Variants in C11orf71 observed in about 807,000 individuals in gnomAD.
The protein encoded by C11orf71 is uncharacterized protein C11orf71.
For missense variants in C11orf71, 179 were observed against 167.6 expected (o/e 1.07, Z -0.38); for synonymous variants, 72 against 73.4 (o/e 0.98, Z 0.09).
intron 1 of C11orf71, among the ~76,000 whole-genome samples, chr11:114,392,746 CA>C (rs993807288): frequency 4.5e-5 from 6 of 132,560 alleles, no homozygotes; most frequent in African/African-American, 1.1e-4. Context: ...AAAAAAAAAA[CA>C]AAAAAAAATT....
chr11:114,397,068 T>C (rs1262040838), downstream of C11orf71, among the ~76,000 whole-genome samples: 1 of 152,188 alleles, frequency 6.6e-6, no homozygotes. Flanking sequence ...TTAGTGCTGA[T>C]GAATAGAGGA....
At chr11:114,394,124 C>T (rs530846490), downstream of C11orf71, among the ~76,000 whole-genome samples, 5 of 151,652 alleles carry the variant, frequency 3.3e-5, no homozygotes, top group South Asian at 2.1e-4. Context: ...GGACTACAGG[C>T]GCCCATCACC....
rs780776826 is a variant in C11orf71, at chr11:114,399,781, A to G, written c.*179T>C. 16 of 960,834 alleles carry G rather than the reference A, an allele frequency of 1.7e-5. No individual in the cohort carries two copies. Among genetic ancestry groups the G allele is most frequent in the Non-Finnish European group, 2.4e-5 (16 of 674,882 alleles). 59.5% of individuals were successfully genotyped at this position (960,834 alleles called of 1,614,324 possible). On this transcript the variant is annotated 3_prime_UTR_variant, in exon 1 of 1. Transcript: ENST00000623205. ...CCAATCGTTCTGGCTGCATAAAACC[A>G]CCTAAATCAATCAACTGTTACACTT...
chr11:114,393,934 T>G (rs936419029), downstream of C11orf71, among the ~76,000 whole-genome samples: 8 of 152,172 alleles, frequency 5.3e-5, no homozygotes, highest in Non-Finnish European at 1.0e-4. Flanking sequence ...ATTGTGAGGA[T>G]TAAATAAAAG....
In C11orf71 at chr11:114,400,343, G is replaced by A; in HGVS notation, c.-12C>T. 6.3e-7 allele frequency: 1 copy of A among 1,592,488 alleles called. No homozygotes were observed. The highest frequency in any genetic ancestry group is 8.6e-7 in the Non-Finnish European group (1 of 1,168,928). ...TTGTTCAGGGCCATATTCAAACACT[G>A]CCCGCAGTACTTGCGTTACGTCCCT... is the stretch of plus-strand genomic sequence containing the variant. On this transcript the variant is annotated 5_prime_UTR_variant, in exon 1 of 1. Transcript: ENST00000623205.
intron 1 of C11orf71, among the ~76,000 whole-genome samples, chr11:114,392,943 G>A (rs949480080): frequency 6.6e-6 from 1 of 152,150 alleles, no homozygotes; most frequent in African/African-American, 2.4e-5. Context: ...GCAAACTAAG[G>A]CCTGAAGGCT....
At chr11:114,396,667 A>G (rs1346794468), downstream of C11orf71, among the ~76,000 whole-genome samples, 1 of 152,172 alleles carries the variant, frequency 6.6e-6, no homozygotes, top group Admixed American at 6.5e-5. Context: ...AGGAAAGGAC[A>G]CAGGTGGTAC....
At chr11:114,394,228 C>CCTTTCCTTTCCTTTCT (rs1946101542), downstream of C11orf71, among the ~76,000 whole-genome samples, 9 of 48,704 alleles carry the variant, frequency 1.8e-4, no homozygotes, top group East Asian at 6.3e-4. Flanking sequence ...CTTTTCTTTT[C>CCTTTCCTTTCCTTTCT]TTTCTTTTCT....
chr11:114,400,501 C>G lies in C11orf71; in HGVS notation c.-170G>C. Reference sequence around the variant, plus strand: ...CGCCTTGCCTTTAACGAGGGGTATCCTGGCGAGCATGCGCAGACCGTCCGC... The same window carrying G: ...CGCCTTGCCTTTAACGAGGGGTATCGTGGCGAGCATGCGCAGACCGTCCGC... On this transcript the variant is annotated 5_prime_UTR_variant, in exon 1 of 1. Coordinates refer to ENST00000623205, the MANE Select transcript of C11orf71 (RefSeq NM_001271562.2). The G allele has an allele frequency of 7.8e-7, 1 of 1,280,660 alleles. No homozygotes were observed. The highest frequency in any genetic ancestry group is 1.1e-6 in the Non-Finnish European group (1 of 940,188). 79.3% of individuals were successfully genotyped at this position (1,280,660 alleles called of 1,614,324 possible).
rs769148907 is a variant in C11orf71, at chr11:114,400,090, C to G, written c.242G>C (p.Arg81Pro). Reference protein sequence around the residue: ...GGRSPREPDGRGRSRQARFSP... With the variant: ...GGRSPREPDGPGRSRQARFSP... Reference sequence around the variant, plus strand: ...GAATCTGGCTTGGCGGCTCCGGCCCCGGCCATCTGGTTCCCTTGGGCTCCG... The same window carrying G: ...GAATCTGGCTTGGCGGCTCCGGCCCGGGCCATCTGGTTCCCTTGGGCTCCG... Residue 81 changes from arginine (R) to proline (P), a missense_variant, in exon 1 of 1, where the codon CGG becomes CCG. Arg to Pro is a moderately radical substitution (Grantham distance 103). Transcript: ENST00000623205. 2 of 1,613,884 alleles carry G rather than the reference C, an allele frequency of 1.2e-6. No individual in the cohort carries two copies. Among genetic ancestry groups the G allele is most frequent in the South Asian group, 1.1e-5 (1 of 91,086 alleles).
chr11:114,391,725 A>G, intron 1 of C11orf71: 1 of 664,688 alleles, frequency 1.5e-6, no homozygotes, highest in Non-Finnish European at 2.5e-6. Flanking sequence ...CCAAAAATGC[A>G]TGTCCCAGCA....
exon 2 of C11orf71, chr11:114,391,514 T>C: frequency 9.1e-7 from 1 of 1,101,424 alleles, no homozygotes; most frequent in African/African-American, 1.6e-5. Context: ...TACAATTTCA[T>C]ATCCAATTTT....
intron 1 of C11orf71, among the ~76,000 whole-genome samples, chr11:114,393,080 C>T (rs545549127): frequency 7.3e-4 from 111 of 152,324 alleles, no homozygotes; most frequent in Non-Finnish European, 1.1e-3. Flanking sequence ...CAGCAATTAG[C>T]TTTTGCTGCA....
downstream of C11orf71, among the ~76,000 whole-genome samples, chr11:114,394,759 G>GT (rs1392562513): frequency 6.6e-6 from 1 of 151,754 alleles, no homozygotes; most frequent in Non-Finnish European, 1.5e-5. Flanking sequence ...GGTTTCCAGG[G>GT]TTTTTTAAAA....
rs187456332 is a variant in C11orf71 at position 114,393,394 on chromosome 11, C to T, written c.344-1729G>A. On this transcript the variant is annotated intron_variant, in intron 1 of 1. Transcript: ENST00000325636. ...TCCATTTAACTCTGCAATTGAGGAG[C>T]TTCTACTTCAATCGGAAGCAATTAA... 3.7e-3 allele frequency among the ~76,000 whole-genome samples: 564 copies of T among 152,274 alleles called. 17 individuals are homozygous for T. Among genetic ancestry groups the T allele is most frequent in the Non-Finnish European group, 1.1e-3 (74 of 68,026 alleles).
At chr11:114,394,587 G>A (rs1053833215), downstream of C11orf71, among the ~76,000 whole-genome samples, 29 of 151,948 alleles carry the variant, frequency 1.9e-4, no homozygotes, top group African/African-American at 4.1e-4. Context: ...GAGCCACTGC[G>A]CCCAGCGAGA....
chr11:114,394,262 C>CTTTTCTTTTCTTTTCTTTTCTTTTCTT (rs1946107797), downstream of C11orf71, among the ~76,000 whole-genome samples: 1 of 65,166 alleles, frequency 1.5e-5, no homozygotes, highest in Admixed American at 1.9e-4. Flanking sequence ...CTTTTCTTTT[C>CTTTTCTTTTCTTTTCTTTTCTTTTCTT]TTTTCTTTTC....
chr11:114,399,726 T>A lies in C11orf71; in HGVS notation c.*234A>T, dbSNP rs1196422185. 1 of 610,294 alleles carries A rather than the reference T, an allele frequency of 1.6e-6. No individual in the cohort carries two copies. The highest frequency in any genetic ancestry group is 1.8e-5 in the African/African-American group (1 of 54,094). The allele number at this position is 610,294 out of a possible 1,614,324, so 37.8% of individuals were successfully genotyped here. On this transcript the variant is annotated 3_prime_UTR_variant, in exon 1 of 1. Coordinates refer to ENST00000623205, the MANE Select transcript of C11orf71 (RefSeq NM_001271562.2). ...CCATCAGCTCAGCTTTGTGACGACCTAAGAATATCCCTTCCACACCTTTCC... is the reference window on the plus strand; with the variant it reads ...CCATCAGCTCAGCTTTGTGACGACCAAAGAATATCCCTTCCACACCTTTCC...
rs1376967863 is a variant in C11orf71, at chr11:114,398,682, TTCAA to T, written c.*1274_*1277del. On this transcript the variant is annotated 3_prime_UTR_variant, in exon 1 of 1. Transcript: ENST00000623205. ...AATAAAAGGTAGCTATTACTATTCTTTCAATCATTCTTCCTATGATCTGGTTTCT... is the reference window on the plus strand; with the variant it reads ...AATAAAAGGTAGCTATTACTATTCTTTCATTCTTCCTATGATCTGGTTTCT... The T allele has an allele frequency of 2.0e-5, 3 of 152,220 alleles. No homozygotes were observed. Among genetic ancestry groups the T allele is most frequent in the African/African-American group, 7.2e-5 (3 of 41,456 alleles). 9.4% of individuals were successfully genotyped at this position (152,220 alleles called of 1,614,324 possible).
Sources: allele counts gnomAD v4.1 joint callset (sites outside exome capture counted in the v4.1 genomes callset), GRCh38; gene constraint gnomAD v4.1.1; transcripts MANE v1.5; gene names NCBI Gene and HGNC (gene_info 2026-07-23, HGNC 2026-07-21).